The following TGM3 variants were observed in gnomAD, a reference collection of about 807,000 sequenced individuals.
TGM3 encodes protein-glutamine gamma-glutamyltransferase E.
A neutral mutation model predicts 73.8 loss-of-function variants in TGM3; 52 were observed. The observed-to-expected ratio is 0.70, with a 90% CI of 0.56 to 0.89. TGM3 has a LOEUF of 0.89. TGM3 is among the 40% of genes least tolerant of loss of function. The pLI is 0.00. For synonymous variants in TGM3, 372 were observed against 354.9 expected, an observed-to-expected ratio of 1.05 and a Z score of -0.54; for missense variants, 928 against 909.9, an observed-to-expected ratio of 1.02 and a Z score of -0.26.
At position 2,340,678 on chromosome 20, in the gene TGM3, AC is replaced by A; in HGVS notation, c.*100del. The A allele has an allele frequency of 1.3e-6, 2 of 1,507,818 alleles. No homozygotes were observed. The highest frequency in any genetic ancestry group is 1.8e-6 in the Non-Finnish European group (2 of 1,102,508). The allele number at this position is 1,507,818 out of a possible 1,614,324, so 93.4% of individuals were successfully genotyped here. A position where few individuals can be genotyped will look rare whatever the true frequency, so the allele number is the denominator to read the frequency against. On this transcript the variant is annotated 3_prime_UTR_variant, in exon 13 of 13. Coordinates refer to ENST00000381458, the MANE Select transcript of TGM3 (RefSeq NM_003245.4). ...CCGCCCATGCTGTCCGGCCTGGGAA[AC>A]CCTCTCCATCTCCCAAGGCTGCCAG... is the stretch of plus-strand genomic sequence containing the variant.
chr20:2,335,609 T>A (rs970098235), intron 11 of TGM3, among the ~76,000 whole-genome samples: 1 of 152,260 alleles, frequency 6.6e-6, no homozygotes, highest in Non-Finnish European at 1.5e-5. Context: ...ACTCAGCTAC[T>A]GAGCATTTGC....
At chr20:2,335,325 G>A in intron 11 of TGM3, 52 bp downstream of exon 11, 1 of 1,604,750 alleles carries the variant, frequency 6.2e-7, no homozygotes. Flanking sequence ...AGCCAGCCCA[G>A]CTCCCAGGAG....
intron 1 of TGM3, among the ~76,000 whole-genome samples, chr20:2,298,659 T>C (rs2084124726): frequency 6.6e-6 from 1 of 152,214 alleles, no homozygotes; most frequent in Admixed American, 6.5e-5. Flanking sequence ...ACCGTTCTCC[T>C]TGGAGCTGGG....
intron 2 of TGM3, 73 bp downstream of exon 2, chr20:2,309,903 G>C: frequency 6.3e-7 from 1 of 1,577,304 alleles, no homozygotes. Flanking sequence ...AGGACTGACG[G>C]GGACCACACT....
intron 7 of TGM3, among the ~76,000 whole-genome samples, chr20:2,324,818 C>T (rs905789127): frequency 1.3e-5 from 2 of 152,208 alleles, no homozygotes; most frequent in South Asian, 2.1e-4. Context: ...GCTTCCTCTA[C>T]GTTCTGATTC....
intron 9 of TGM3, among the ~76,000 whole-genome samples, chr20:2,331,026 AAGAG>A (rs1303856197): frequency 2.2e-4 from 32 of 148,336 alleles, no homozygotes; most frequent in African/African-American, 7.8e-4. Context: ...AAAAAAAAAA[AAGAG>A]AGAGAAAAAA....
intron 5 of TGM3, among the ~76,000 whole-genome samples, chr20:2,313,821 G>A (rs1278069298): frequency 6.6e-6 from 1 of 152,114 alleles, no homozygotes; most frequent in Non-Finnish European, 1.5e-5. Flanking sequence ...TTGAGCCCAG[G>A]AGTTTGCCAC....
intron 1 of TGM3, among the ~76,000 whole-genome samples, chr20:2,307,351 A>G (rs2084181353): frequency 6.6e-6 from 1 of 150,870 alleles, no homozygotes; most frequent in African/African-American, 2.4e-5. Context: ...TCCTGCCCCA[A>G]CCCCCACTCT....
At chr20:2,324,033 T>G (rs562431505) in intron 7 of TGM3, among the ~76,000 whole-genome samples, 1 of 152,330 alleles carries the variant, frequency 6.6e-6, no homozygotes, top group South Asian at 2.1e-4. Flanking sequence ...TGGATATATT[T>G]TCTCTGCTTT....
At chr20:2,303,232 C>G (rs1462262442) in intron 1 of TGM3, among the ~76,000 whole-genome samples, 1 of 151,570 alleles carries the variant, frequency 6.6e-6, no homozygotes, top group Non-Finnish European at 1.5e-5. Flanking sequence ...ACCCGGAAGG[C>G]GGAGGTTGCA....
chr20:2,316,649 A>G (rs1279337235), intron 5 of TGM3, among the ~76,000 whole-genome samples: 1 of 152,142 alleles, frequency 6.6e-6, no homozygotes, highest in East Asian at 1.9e-4. Flanking sequence ...AAGACCATAC[A>G]CCAAAAAAGA....
At chr20:2,335,733 G>A (rs2084346849) in intron 11 of TGM3, among the ~76,000 whole-genome samples, 2 of 152,104 alleles carry the variant, frequency 1.3e-5, no homozygotes, top group South Asian at 4.1e-4. Flanking sequence ...GATGTGCCAG[G>A]GCCACAGCCC....
At chr20:2,312,840 T>C in intron 4 of TGM3, 58 bp from the exon 5 acceptor site, 1 of 1,606,698 alleles carries the variant, frequency 6.2e-7, no homozygotes, top group Non-Finnish European at 8.5e-7. Flanking sequence ...AGTTCCCTTC[T>C]TGAGCCAACT....
In TGM3 at chr20:2,339,918, A is replaced by G. The variant is rs138448745; in HGVS notation, c.1865A>G (p.Asp622Gly). Residue 622 changes from aspartate to glycine, a missense_variant, in exon 12 of 13, where the codon GAT becomes GGT. Transcript: ENST00000381458. ...CAGATGCTCTTCTCCAATCCACTGG[A>G]TGAGCCGGTGAGGGACTGCGTGCTG... is the stretch of plus-strand genomic sequence containing the variant. ...NVQMLFSNPL[D>G]EPVRDCVLMV... 3.1e-5 allele frequency: 50 copies of G among 1,610,478 alleles called. No individual in the cohort carries two copies. In the African/African-American group the frequency reaches 6.4e-4, roughly 21 times the overall value.
intron 5 of TGM3, 76 bp downstream of exon 5, chr20:2,313,102 CTT>C (rs2084215865): frequency 6.3e-7 from 1 of 1,577,952 alleles, no homozygotes; most frequent in Admixed American, 1.7e-5. Flanking sequence ...CACGCACACT[CTT>C]TACATATGTC....
In TGM3 at chr20:2,310,273, G is replaced by A. The variant is rs761033588; in HGVS notation, c.277G>A (p.Gly93Ser). Residue 93 changes from glycine (G) to serine (S), a missense_variant, in exon 3 of 13, where the codon GGC becomes AGC. Gly to Ser is a moderately conservative substitution (Grantham distance 56). Transcript: ENST00000381458. ...GAGTGCGGTGCTTCAGGCCAGCAAT[G>A]GCAATACTCTGACTATCAGCATCTC... Reference protein sequence around the residue: ...GWSAVLQASNGNTLTISISSP... With the variant: ...GWSAVLQASNSNTLTISISSP... 1 of 1,614,214 alleles carries A rather than the reference G, an allele frequency of 6.2e-7. No homozygotes were observed. The highest frequency in any genetic ancestry group is 8.5e-7 in the Non-Finnish European group (1 of 1,180,034).
chr20:2,311,869 C>A (rs924656299), intron 4 of TGM3, among the ~76,000 whole-genome samples: 2 of 151,774 alleles, frequency 1.3e-5, no homozygotes, highest in African/African-American at 4.8e-5. Context: ...TAGAAAGGAG[C>A]CTTTGATCAG....
chr20:2,308,434 A>G lies in TGM3; in HGVS notation c.8-1223A>G, dbSNP rs1039334852. Among the ~76,000 whole-genome samples the G allele has an allele frequency of 9.2e-5, 14 of 152,310 alleles. No individual in the cohort carries two copies. The East Asian group carries it at 2.1e-3, about 23-fold the overall frequency. ...CATAGGAAGATTTCCCAAAAAGTTT[A>G]TATCAGCGAACACCTGGTACATCAT... On this transcript the variant is annotated intron_variant, in intron 1 of 12. Transcript: ENST00000381458.
chr20:2,327,125 G>A (rs1040814733), intron 8 of TGM3, among the ~76,000 whole-genome samples: 2 of 152,150 alleles, frequency 1.3e-5, no homozygotes, highest in Non-Finnish European at 2.9e-5. Context: ...AAATGAAATG[G>A]AATGGAACGG....
Sources: gnomAD v4.1 joint callset for allele counts (sites outside exome capture counted in the v4.1 genomes callset) on GRCh38, gnomAD v4.1.1 for gene constraint, MANE v1.5 for transcripts, NCBI Gene and HGNC (gene_info 2026-07-23, HGNC 2026-07-21) for gene names.